Variants in CRPPA observed in about 807,000 individuals in gnomAD.
CRPPA encodes the protein CDP-L-ribitol pyrophosphorylase A.
CRPPA carries 43 observed loss-of-function variants against 52.0 expected under a neutral mutation model. The ratio of observed to expected loss-of-function variants is 0.83; its 90% CI spans 0.65 to 1.07. The LOEUF is 1.07. CRPPA is among the 50% of genes least tolerant of loss of function. The pLI, the probability that CRPPA is intolerant of heterozygous loss-of-function variation, is 0.00. For missense variants in CRPPA, 629 were observed against 551.7 expected (o/e 1.14, Z -1.40); for synonymous variants, 250 against 203.5 (o/e 1.23, Z -1.94).
chr7:16,242,525 C>T (rs373534635), intron 8 of CRPPA, among the ~76,000 whole-genome samples: 178 of 152,220 alleles, frequency 1.2e-3, no homozygotes, highest in African/African-American at 3.8e-3. Flanking sequence ...TACACACCCC[C>T]GTAAATGCAA....
At chr7:16,389,102 T>G (rs549293605) in intron 2 of CRPPA, among the ~76,000 whole-genome samples, 4 of 152,168 alleles carry the variant, frequency 2.6e-5, no homozygotes, top group Admixed American at 1.3e-4. Flanking sequence ...AAAAAGGGAA[T>G]TGAATTAGTA....
At chr7:16,371,647 C>G (rs1786751659) in intron 3 of CRPPA, among the ~76,000 whole-genome samples, 1 of 151,484 alleles carries the variant, frequency 6.6e-6, no homozygotes, top group Non-Finnish European at 1.5e-5. Flanking sequence ...TATGACAAAA[C>G]AGGGTTCTAT....
At chr7:16,137,872 A>G (rs940462737) in intron 9 of CRPPA, among the ~76,000 whole-genome samples, 3 of 152,318 alleles carry the variant, frequency 2.0e-5, no homozygotes, top group South Asian at 2.1e-4. Context: ...TACACAAACC[A>G]TGATGAATTG....
intron 8 of CRPPA, 90 bp downstream of exon 8, chr7:16,258,300 T>A: frequency 1.3e-6 from 1 of 764,160 alleles, no homozygotes; most frequent in Non-Finnish European, 2.1e-6. Context: ...GGGTCAATGC[T>A]CTCAATTGGA....
At chr7:16,098,669 G>C (rs1781979427) in intron 9 of CRPPA, among the ~76,000 whole-genome samples, 1 of 152,100 alleles carries the variant, frequency 6.6e-6, no homozygotes, top group African/African-American at 2.4e-5. Flanking sequence ...ACCTTCAACA[G>C]ACTTGTTATA....
intron 1 of CRPPA, among the ~76,000 whole-genome samples, chr7:16,419,407 G>T (rs1183026615): frequency 6.6e-6 from 1 of 152,178 alleles, no homozygotes; most frequent in Non-Finnish European, 1.5e-5. Context: ...TTAGTTTATG[G>T]TTTGACTCTG....
intron 3 of CRPPA, among the ~76,000 whole-genome samples, chr7:16,317,207 A>G (rs916423822): frequency 2.0e-5 from 3 of 152,184 alleles, no homozygotes; most frequent in African/African-American, 7.2e-5. Context: ...ACAAGTTGTC[A>G]GACTCTGGAC....
At chr7:16,274,723 T>G (rs1487124587) in intron 6 of CRPPA, among the ~76,000 whole-genome samples, 1 of 152,100 alleles carries the variant, frequency 6.6e-6, no homozygotes, top group Non-Finnish European at 1.5e-5. Context: ...AATTCCAAAT[T>G]TGCTATGTCT....
In CRPPA at chr7:16,374,675, T is replaced by C. The variant is rs1409225200; in HGVS notation, c.684+1417A>G. 2.0e-5 allele frequency among the ~76,000 whole-genome samples: 3 copies of C among 152,258 alleles called. No homozygotes were observed. In the East Asian group the frequency reaches 5.8e-4, roughly 29 times the overall value. ...CACCTACTCTTTCCTCCTGTCCCCA[T>C]GGATGAACTATCCATATTCCCAGCC... On this transcript the variant is annotated intron_variant, in intron 3 of 9. Transcript: ENST00000407010.
Position 16,371,485 on chromosome 7 carries a change from T to A in CRPPA, c.684+4607A>T, listed in dbSNP as rs74730265. Among the ~76,000 whole-genome samples the A allele has an allele frequency of 3.3e-3, 501 of 151,270 alleles. 3 individuals are homozygous for A. Among genetic ancestry groups the A allele is most frequent in the African/African-American group, 0.012 (476 of 41,154 alleles). ...TCCCCTAAAAGCACCAAAAATCAAA[T>A]TAGGCTGTAATAAACATTAAAGTCA... On this transcript the variant is annotated intron_variant, in intron 3 of 9. Coordinates refer to ENST00000407010, the MANE Select transcript of CRPPA (RefSeq NM_001101426.4).
chr7:16,137,682 T>C (rs1782787845), intron 9 of CRPPA, among the ~76,000 whole-genome samples: 1 of 152,178 alleles, frequency 6.6e-6, no homozygotes, highest in Non-Finnish European at 1.5e-5. Flanking sequence ...TTAACTTTTC[T>C]TTCAATTAGA....
chr7:16,225,698 T>C (rs1782630439), intron 8 of CRPPA, among the ~76,000 whole-genome samples: 1 of 151,924 alleles, frequency 6.6e-6, no homozygotes, highest in Admixed American at 6.6e-5. Context: ...ATTAAGGTTC[T>C]CTGCAGGCCA....
intron 9 of CRPPA, among the ~76,000 whole-genome samples, chr7:16,180,118 G>A (rs1340608686): frequency 1.3e-5 from 2 of 151,928 alleles, no homozygotes; most frequent in African/African-American, 2.4e-5. Context: ...ATTCTTGTAC[G>A]ATACAGACAA....
chr7:16,157,195 T>C (rs1276923533), intron 9 of CRPPA, among the ~76,000 whole-genome samples: 2 of 151,972 alleles, frequency 1.3e-5, no homozygotes, highest in East Asian at 3.9e-4. Flanking sequence ...TTTTTTTTTT[T>C]TTTTGCCCTA....
Position 16,359,370 on chromosome 7 carries a change from G to C in CRPPA, c.684+16722C>G, listed in dbSNP as rs1184591041. Among the ~76,000 whole-genome samples the C allele has an allele frequency of 2.6e-5, 4 of 152,302 alleles. No homozygotes were observed. In the East Asian group the frequency reaches 7.7e-4, roughly 29 times the overall value. On this transcript the variant is annotated intron_variant, in intron 3 of 9. Transcript: ENST00000407010. Reference sequence around the variant, plus strand: ...CATGTAATTCACAGCGTGATCACAAGTACTGTCGTCATTGAATTGCTTGGT... The same window carrying C: ...CATGTAATTCACAGCGTGATCACAACTACTGTCGTCATTGAATTGCTTGGT...
chr7:16,103,821 A>G (rs2128364818), intron 9 of CRPPA, among the ~76,000 whole-genome samples: 1 of 152,346 alleles, frequency 6.6e-6, no homozygotes, highest in East Asian at 1.9e-4. Context: ...TCCTAGAGTT[A>G]CTTCTCTAGT....
intron 9 of CRPPA, among the ~76,000 whole-genome samples, chr7:16,199,436 G>C (rs1336871868): frequency 3.3e-5 from 5 of 152,028 alleles, no homozygotes; most frequent in African/African-American, 1.2e-4. Flanking sequence ...CTGTATCAAA[G>C]AATAAAATTT....
chr7:16,266,481 TC>T lies in CRPPA; in HGVS notation c.934-7470del, dbSNP rs1195184413. ...ATTTAAGGCTCCCGTTTTTTGTTTT[TC>T]TTTTTTTTTTTTTTAAGACAGAGTC... On this transcript the variant is annotated intron_variant, in intron 6 of 9. Coordinates refer to ENST00000407010, the MANE Select transcript of CRPPA (RefSeq NM_001101426.4). Among the ~76,000 whole-genome samples the T allele has an allele frequency of 2.5e-5, 3 of 120,896 alleles. No individual in the cohort carries two copies. In the Admixed American group the frequency reaches 2.7e-4, roughly 11 times the overall value. 79.3% of individuals were successfully genotyped at this position (120,896 alleles called of 152,430 possible).
chr7:16,217,813 G>A (rs1413584663), intron 8 of CRPPA, among the ~76,000 whole-genome samples: 3 of 151,640 alleles, frequency 2.0e-5, no homozygotes, highest in Non-Finnish European at 2.9e-5. Context: ...ATCTACGTCT[G>A]ATTGGTGTAC....
Sources: gnomAD v4.1 joint callset for allele counts (sites outside exome capture counted in the v4.1 genomes callset) on GRCh38, gnomAD v4.1.1 for gene constraint, MANE v1.5 for transcripts, NCBI Gene and HGNC (gene_info 2026-07-23, HGNC 2026-07-21) for gene names.